The following E2F5 variants were observed in gnomAD, a reference collection of about 807,000 sequenced individuals.
E2F5 encodes the protein E2F transcription factor 5, also known as transcription factor E2F5.
In E2F5, 23 loss-of-function variants were observed where a neutral mutation model predicts 39.1. The observed-to-expected ratio is 0.59, with a 90% CI of 0.42 to 0.83. The LOEUF (loss-of-function observed/expected upper bound fraction) is 0.83. Among genes scored for constraint, E2F5 ranks in the 40% least tolerant of loss-of-function variants. The pLI, the probability that E2F5 is intolerant of heterozygous loss-of-function variation, is 0.00. For synonymous variants in E2F5, 145 were observed against 157.8 expected (o/e 0.92, Z 0.61); for missense variants, 365 against 406.7 (o/e 0.90, Z 0.88).
At chr8:85,189,342 A>G (rs953887315) in intron 1 of E2F5, among the ~76,000 whole-genome samples, 2 of 152,062 alleles carry the variant, frequency 1.3e-5, no homozygotes, top group African/African-American at 4.8e-5. Flanking sequence ...TTTATAGCTG[A>G]GATCAAATGT....
chr8:85,202,011 C>A, intron 1 of E2F5, 136 bp from the exon 2 acceptor site: 1 of 677,542 alleles, frequency 1.5e-6, no homozygotes, highest in Admixed American at 2.8e-5. Flanking sequence ...TTTGAACATG[C>A]TCAGCTATTG....
At chr8:85,182,773 A>G (rs1214628712) in intron 1 of E2F5, among the ~76,000 whole-genome samples, 1 of 152,218 alleles carries the variant, frequency 6.6e-6, no homozygotes, top group African/African-American at 2.4e-5. Flanking sequence ...TGGTGTCAGT[A>G]TGAGCTTTTT....
intron 1 of E2F5, among the ~76,000 whole-genome samples, chr8:85,187,269 C>T (rs1238699647): frequency 1.3e-5 from 2 of 152,028 alleles, no homozygotes; most frequent in African/African-American, 2.4e-5. Flanking sequence ...AGTTGAGAAG[C>T]GTGTGTATTC....
intron 3 of E2F5, among the ~76,000 whole-genome samples, chr8:85,203,775 A>G (rs1812744310): frequency 6.7e-6 from 1 of 149,928 alleles, no homozygotes; most frequent in Non-Finnish European, 1.5e-5. Context: ...TGTGCCTATC[A>G]ACAATATATA....
At chr8:85,206,023 C>A in intron 3 of E2F5, 154 bp from the exon 4 acceptor site, 1 of 661,714 alleles carries the variant, frequency 1.5e-6, no homozygotes, top group East Asian at 2.9e-5. Context: ...TTTGTCTTTA[C>A]CTTTCTAGAC....
intron 1 of E2F5, among the ~76,000 whole-genome samples, chr8:85,190,210 C>T (rs1812430660): frequency 6.6e-6 from 1 of 152,096 alleles, no homozygotes; most frequent in Non-Finnish European, 1.5e-5. Context: ...CAGGTGTTTC[C>T]TGCTGCCTGA....
intron 1 of E2F5, among the ~76,000 whole-genome samples, chr8:85,194,003 C>G (rs1206067774): frequency 6.6e-6 from 1 of 152,128 alleles, no homozygotes; most frequent in Admixed American, 6.5e-5. Context: ...TTTATTAACT[C>G]ATTAAAAGTT....
At chr8:85,204,251 C>G (rs1001389676) in intron 3 of E2F5, among the ~76,000 whole-genome samples, 1 of 152,062 alleles carries the variant, frequency 6.6e-6, no homozygotes, top group African/African-American at 2.4e-5. Flanking sequence ...TTGCCCCAAC[C>G]ATGGTTATGT....
intron 1 of E2F5, among the ~76,000 whole-genome samples, chr8:85,188,812 A>G (rs1812399947): frequency 6.6e-6 from 1 of 152,164 alleles, no homozygotes; most frequent in African/African-American, 2.4e-5. Context: ...CATTGGAGCT[A>G]AAGGTATGGT....
At chr8:85,211,966 T>C (rs1432383244) in intron 6 of E2F5, among the ~76,000 whole-genome samples, 191 bp from the exon 7 acceptor site, 1 of 152,056 alleles carries the variant, frequency 6.6e-6, no homozygotes, top group East Asian at 1.9e-4. Context: ...TTGGTCTTCG[T>C]CTGGAGTTTG....
chr8:85,209,197 T>TC lies in E2F5; in HGVS notation c.673dup (p.His225ProfsTer7). ...AATCTAAAGAGTCATTCAGGACCTA[T>TC]CCATGTGCTGCTTATAAATAAAGAG... is the stretch of plus-strand genomic sequence containing the variant. On this transcript the variant is annotated frameshift_variant, in exon 6 of 8. Coordinates refer to ENST00000416274, the MANE Select transcript of E2F5 (RefSeq NM_001951.4). LOFTEE classifies it high-confidence loss of function. 1 of 1,614,020 alleles carries TC rather than the reference T, an allele frequency of 6.2e-7. No homozygotes were observed. The highest frequency in any genetic ancestry group is 8.5e-7 in the Non-Finnish European group (1 of 1,179,904).
At position 85,177,406 on chromosome 8, in the gene E2F5, C is replaced by T; in HGVS notation, c.-15C>T. ...AAAGTGCGCGGGGGCCCGACCACCG[C>T]GGGGCCGGGACGCGATGGCGGCGGC... On this transcript the variant is annotated 5_prime_UTR_variant, in exon 1 of 8. Coordinates refer to ENST00000416274, the MANE Select transcript of E2F5 (RefSeq NM_001951.4). The T allele has an allele frequency of 1.0e-6, 1 of 987,496 alleles. No individual in the cohort carries two copies. The highest frequency in any genetic ancestry group is 1.2e-6 in the Non-Finnish European group (1 of 832,362). 61.2% of individuals were successfully genotyped at this position (987,496 alleles called of 1,614,324 possible). A position where few individuals can be genotyped will look rare whatever the true frequency, so the allele number is the denominator to read the frequency against.
intron 5 of E2F5, among the ~76,000 whole-genome samples, chr8:85,208,192 G>A (rs1812837333): frequency 6.6e-6 from 1 of 152,134 alleles, no homozygotes; most frequent in South Asian, 2.1e-4. Flanking sequence ...GCCGGGCATG[G>A]TGGTGCATGC....
chr8:85,193,579 G>C (rs1260161109), intron 1 of E2F5, among the ~76,000 whole-genome samples: 2 of 152,172 alleles, frequency 1.3e-5, no homozygotes. Context: ...ACCTCAACCA[G>C]ATGTGGAACA....
At chr8:85,195,325 G>A (rs1325379799) in intron 1 of E2F5, among the ~76,000 whole-genome samples, 1 of 152,052 alleles carries the variant, frequency 6.6e-6, no homozygotes, top group Non-Finnish European at 1.5e-5. Context: ...GGAGGTTGCA[G>A]TGAGCCAAGA....
At chr8:85,192,723 C>T (rs1399377016) in intron 1 of E2F5, among the ~76,000 whole-genome samples, 4 of 152,180 alleles carry the variant, frequency 2.6e-5, no homozygotes, top group Non-Finnish European at 4.4e-5. Context: ...TTTTTAAGTC[C>T]TTTACTTAAT....
chr8:85,211,100 A>G (rs919117864), intron 6 of E2F5, among the ~76,000 whole-genome samples: 3 of 152,042 alleles, frequency 2.0e-5, no homozygotes, highest in African/African-American at 7.2e-5. Flanking sequence ...GGCTAAAACA[A>G]GGGCCAAGTG....
chr8:85,180,330 A>G (rs531042154), intron 1 of E2F5, among the ~76,000 whole-genome samples: 2 of 151,596 alleles, frequency 1.3e-5, no homozygotes, highest in South Asian at 2.1e-4. Context: ...CCATTAAGAC[A>G]TGTTTGATAA....
intron 1 of E2F5, among the ~76,000 whole-genome samples, chr8:85,187,529 T>TA (rs1158527377): frequency 2.6e-5 from 4 of 152,166 alleles, no homozygotes; most frequent in African/African-American, 9.6e-5. Flanking sequence ...TTGACCCTTT[T>TA]ATTATTATAT....
Sources: allele counts gnomAD v4.1 joint callset (sites outside exome capture counted in the v4.1 genomes callset), GRCh38; gene constraint gnomAD v4.1.1; transcripts MANE v1.5; gene names NCBI Gene and HGNC (gene_info 2026-07-23, HGNC 2026-07-21).